PKP2: variants seen among roughly 807,000 people sequenced by gnomAD.
PKP2 encodes plakophilin-2.
In PKP2, 73 loss-of-function variants were observed where a neutral mutation model predicts 83.4. That is an observed-to-expected ratio of 0.88 (90% confidence interval 0.72 to 1.06). The LOEUF (loss-of-function observed/expected upper bound fraction) is 1.06. PKP2 is among the 50% of genes least tolerant of loss of function. The pLI is 0.00. For synonymous variants in PKP2, 409 were observed against 430.4 expected (o/e 0.95, Z 0.62); for missense variants, 966 against 1,065.4 (o/e 0.91, Z 1.30).
In PKP2 at chr12:32,797,136, A is replaced by T. The variant is rs1271722471; in HGVS notation, c.2168-838T>A. 2.0e-5 allele frequency among the ~76,000 whole-genome samples: 3 copies of T among 152,092 alleles called. No homozygotes were observed. In the East Asian group the frequency reaches 5.8e-4, roughly 29 times the overall value. On this transcript the variant is annotated intron_variant, in intron 10 of 12. Coordinates refer to ENST00000340811, the MANE Select transcript of PKP2 (RefSeq NM_001005242.3). The stretch of plus-strand genomic sequence containing the variant: ...GTATGTGAAAAATCAGTATATTTAT[A>T]TAAATAATACATAATATTATTGGCC...
At chr12:32,801,823 A>G (rs1956181836) in intron 10 of PKP2, among the ~76,000 whole-genome samples, 1 of 124,104 alleles carries the variant, frequency 8.1e-6, no homozygotes, top group Non-Finnish European at 1.7e-5. Context: ...ATCTCTGTCA[A>G]TAATACAGTC....
chr12:32,839,263 G>A (rs1956567860), intron 6 of PKP2, among the ~76,000 whole-genome samples: 2 of 151,968 alleles, frequency 1.3e-5, no homozygotes, highest in Non-Finnish European at 2.9e-5. Context: ...ATCTGATCCA[G>A]GCTTGGACAA....
chr12:32,795,901 G>C (rs1046718916), intron 11 of PKP2, among the ~76,000 whole-genome samples: 2 of 152,198 alleles, frequency 1.3e-5, no homozygotes, highest in African/African-American at 4.8e-5. Flanking sequence ...TACTTTAGAA[G>C]AGAAGGGACA....
At chr12:32,872,433 C>T (rs1457532767) in intron 3 of PKP2, among the ~76,000 whole-genome samples, 2 of 152,218 alleles carry the variant, frequency 1.3e-5, no homozygotes, top group Non-Finnish European at 2.9e-5. Flanking sequence ...ACTTGGGAGG[C>T]TGAGGCAGGA....
At chr12:32,890,208 T>A (rs1565603261) in intron 1 of PKP2, among the ~76,000 whole-genome samples, 2 of 152,088 alleles carry the variant, frequency 1.3e-5, no homozygotes, top group African/African-American at 4.8e-5. Flanking sequence ...AATATTTTGG[T>A]GGCCTATAAA....
chr12:32,896,621 C>T lies in PKP2; in HGVS notation c.111G>A (p.Lys37=). 1.3e-6 allele frequency: 2 copies of T among 1,582,924 alleles called. No homozygotes were observed. The highest frequency in any genetic ancestry group is 1.7e-6 in the Non-Finnish European group (2 of 1,173,892). ...SSSLALPSEA[K]LKLAGSSGRG... Reference sequence around the variant, plus strand: ...GGCCGCTGCTCCCCGCCAGCTTCAGCTTGGCCTCGGAGGGCAGCGCCAGGC... The same window carrying T: ...GGCCGCTGCTCCCCGCCAGCTTCAGTTTGGCCTCGGAGGGCAGCGCCAGGC... The change falls in exon 1 of 13, where the codon AAG becomes AAA. Residue 37 remains lysine (K), a synonymous_variant. Transcript: ENST00000340811.
chr12:32,805,273 A>T (rs1433938472), intron 9 of PKP2, among the ~76,000 whole-genome samples: 1 of 151,876 alleles, frequency 6.6e-6, no homozygotes, highest in African/African-American at 2.4e-5. Context: ...CTCTGATGAT[A>T]GTTTCTTTTG....
At chr12:32,809,453 C>A (rs943482965) in intron 9 of PKP2, among the ~76,000 whole-genome samples, 14 of 152,186 alleles carry the variant, frequency 9.2e-5, no homozygotes, top group African/African-American at 3.4e-4. Context: ...CTGTTTCAGG[C>A]AGACTCACTG....
intron 3 of PKP2, among the ~76,000 whole-genome samples, chr12:32,874,312 G>A (rs1312986414): frequency 6.6e-6 from 1 of 152,140 alleles, no homozygotes; most frequent in Non-Finnish European, 1.5e-5. Context: ...GCAGCCTGGG[G>A]AACTGAAATG....
chr12:32,849,540 T>A (rs531403683), intron 5 of PKP2, among the ~76,000 whole-genome samples: 69 of 152,320 alleles, frequency 4.5e-4, no homozygotes, highest in Non-Finnish European at 7.8e-4. Context: ...CTTTGTACTG[T>A]GTGCAGGGAA....
intron 5 of PKP2, among the ~76,000 whole-genome samples, chr12:32,848,520 T>C (rs1956668656): frequency 6.6e-6 from 1 of 152,176 alleles, no homozygotes; most frequent in African/African-American, 2.4e-5. Flanking sequence ...TTTAGCAACA[T>C]GTATACAGCT....
At chr12:32,863,426 C>A in intron 4 of PKP2, 1 of 228,736 alleles carries the variant, frequency 4.4e-6, no homozygotes, top group South Asian at 7.4e-5. Flanking sequence ...CTGTACCCCT[C>A]AAGGATTTAA....
At chr12:32,801,591 A>G (rs1956178950) in intron 10 of PKP2, among the ~76,000 whole-genome samples, 1 of 152,188 alleles carries the variant, frequency 6.6e-6, no homozygotes, top group African/African-American at 2.4e-5. Flanking sequence ...CATATTTAAA[A>G]ATCTAATCCA....
chr12:32,883,456 G>A (rs1441529944), intron 1 of PKP2, among the ~76,000 whole-genome samples: 2 of 152,174 alleles, frequency 1.3e-5, no homozygotes, highest in African/African-American at 4.8e-5. Context: ...GTCATTTTCT[G>A]TTCAGAGAAT....
Position 32,878,855 on chromosome 12 carries a change from G to C in PKP2, c.336+65C>G, listed in dbSNP as rs1360570149. 3 of 916,498 alleles carry C rather than the reference G, an allele frequency of 3.3e-6. No homozygotes were observed. The African/African-American group carries it at 4.9e-5, about 15-fold the overall frequency. 56.8% of individuals were successfully genotyped at this position (916,498 alleles called of 1,614,324 possible). On this transcript the variant is annotated intron_variant, in intron 2 of 12. Coordinates refer to ENST00000340811, the MANE Select transcript of PKP2 (RefSeq NM_001005242.3). ...AAGTAAACACTCAAAAATAATCTTA[G>C]GAAGTTTGAAAATATTTTCATGGTA...
At chr12:32,828,764 T>A (rs1956468318) in intron 6 of PKP2, among the ~76,000 whole-genome samples, 1 of 152,128 alleles carries the variant, frequency 6.6e-6, no homozygotes, top group African/African-American at 2.4e-5. Flanking sequence ...GTGTACAGTG[T>A]GTGGTCAGCT....
At chr12:32,877,464 T>C (rs1472963711) in intron 3 of PKP2, among the ~76,000 whole-genome samples, 3 of 152,218 alleles carry the variant, frequency 2.0e-5, no homozygotes, top group Admixed American at 6.5e-5. Context: ...GTGCTAAGAA[T>C]AAGCATTTTT....
intron 4 of PKP2, among the ~76,000 whole-genome samples, chr12:32,859,170 T>C (rs1458266440): frequency 6.6e-6 from 1 of 152,218 alleles, no homozygotes; most frequent in African/African-American, 2.4e-5. Flanking sequence ...AATATAAGTA[T>C]AGAAAGAGTA....
At chr12:32,891,486 GTAAC>G (rs1168347570) in intron 1 of PKP2, among the ~76,000 whole-genome samples, 1 of 152,114 alleles carries the variant, frequency 6.6e-6, no homozygotes, top group African/African-American at 2.4e-5. Context: ...ATAAAATAAT[GTAAC>G]TATGTATAGG....
Sources: allele counts gnomAD v4.1 joint callset (sites outside exome capture counted in the v4.1 genomes callset), GRCh38; gene constraint gnomAD v4.1.1; transcripts MANE v1.5; gene names NCBI Gene and HGNC (gene_info 2026-07-23, HGNC 2026-07-21).